DCBLD2: variants seen among roughly 807,000 people sequenced by gnomAD.
DCBLD2 encodes discoidin, CUB and LCCL domain-containing protein 2.
In DCBLD2, 54 loss-of-function variants were observed where a neutral mutation model predicts 86.8. The observed-to-expected ratio is 0.62, with a 90% confidence interval of 0.50 to 0.78. The LOEUF (loss-of-function observed/expected upper bound fraction) is 0.78. DCBLD2 is among the 30% of genes least tolerant of loss of function. DCBLD2 has a pLI of 0.00. For missense variants in DCBLD2, 908 were observed against 954.2 expected (o/e 0.95, Z 0.64); for synonymous variants, 354 against 341.3 (o/e 1.04, Z -0.41).
chr3:98,834,886 A>G (rs1440855655), intron 3 of DCBLD2, among the ~76,000 whole-genome samples: 1 of 151,914 alleles, frequency 6.6e-6, no homozygotes, highest in Non-Finnish European at 1.5e-5. Context: ...GCTGCCTGTC[A>G]TAATCCCAAC....
At chr3:98,801,455 G>A (rs1361434804) in intron 14 of DCBLD2, 145 bp downstream of exon 14, 5 of 518,698 alleles carry the variant, frequency 9.6e-6, no homozygotes, top group Non-Finnish European at 1.7e-5. Context: ...GGGTAAAAAT[G>A]GTGAGAACTG....
At chr3:98,840,401 A>C (rs1410182415) in intron 3 of DCBLD2, among the ~76,000 whole-genome samples, 1 of 152,248 alleles carries the variant, frequency 6.6e-6, no homozygotes, top group Non-Finnish European at 1.5e-5. Context: ...TGAAGTGCTT[A>C]GATTATAATA....
At chr3:98,849,893 A>AG (rs1052697280) in intron 2 of DCBLD2, among the ~76,000 whole-genome samples, 6 of 121,710 alleles carry the variant, frequency 4.9e-5, no homozygotes, top group Non-Finnish European at 7.4e-5. Context: ...GGGACTAAAA[A>AG]AAAAATTAAC....
intron 12 of DCBLD2, 30 bp from the exon 13 acceptor site, chr3:98,808,204 C>G (rs763465355): frequency 6.4e-7 from 1 of 1,558,468 alleles, no homozygotes; most frequent in Non-Finnish European, 8.7e-7. Context: ...AACAGACAAA[C>G]AAAAGCCATA....
chr3:98,864,616 A>T (rs1424204858), intron 2 of DCBLD2, among the ~76,000 whole-genome samples: 1 of 152,040 alleles, frequency 6.6e-6, no homozygotes, highest in Non-Finnish European at 1.5e-5. Flanking sequence ...AAAAAACCAA[A>T]CAGCGCATGT....
In DCBLD2 at chr3:98,836,741, C is replaced by T. The variant is rs1237900818; in HGVS notation, c.572-11375G>A. On this transcript the variant is annotated intron_variant, in intron 3 of 15. Transcript: ENST00000326840. ...GCGGGGGGGCTGACCCCCCCATCTC[C>T]CTCCCGGACGGGGTGGCTGGCCGGG... 3.7e-5 allele frequency among the ~76,000 whole-genome samples: 3 copies of T among 82,058 alleles called. 1 individual carries two copies. Among genetic ancestry groups the T allele is most frequent in the African/African-American group, 1.3e-4 (3 of 23,472 alleles). The allele number at this position is 82,058 out of a possible 152,430, so 53.8% of individuals were successfully genotyped here.
At chr3:98,858,117 C>T (rs945336459) in intron 2 of DCBLD2, among the ~76,000 whole-genome samples, 5 of 152,330 alleles carry the variant, frequency 3.3e-5, no homozygotes, top group Admixed American at 6.5e-5. Flanking sequence ...CCCTGCCCCA[C>T]GGGGAGGCAG....
At chr3:98,825,639 GTATTTATATATATATATATA>G (rs1399479743) in intron 3 of DCBLD2, among the ~76,000 whole-genome samples, 1 of 59,426 alleles carries the variant, frequency 1.7e-5, no homozygotes, top group Non-Finnish European at 3.4e-5. Context: ...ATGTATATGT[GTATTTATATATATATATATA>G]TATATATATA....
At chr3:98,859,875 A>C (rs1943007458) in intron 2 of DCBLD2, among the ~76,000 whole-genome samples, 1 of 152,254 alleles carries the variant, frequency 6.6e-6, no homozygotes, top group South Asian at 2.1e-4. Context: ...CTGGACGGAG[A>C]ATGACTTTGA....
chr3:98,860,305 A>G (rs1397814339), intron 2 of DCBLD2, among the ~76,000 whole-genome samples: 1 of 152,202 alleles, frequency 6.6e-6, no homozygotes, highest in Non-Finnish European at 1.5e-5. Context: ...ACTCTGCAGG[A>G]TATTATCCAG....
At position 98,842,721 on chromosome 3, in the gene DCBLD2, G is replaced by A. The variant is rs577920357; in HGVS notation, c.571+6740C>T. 2.6e-4 allele frequency among the ~76,000 whole-genome samples: 40 copies of A among 152,322 alleles called. No individual in the cohort carries two copies. The South Asian group carries it at 8.1e-3, about 31-fold the overall frequency. Reference sequence around the variant, plus strand: ...AGTTGCCTAAGCAATAAACTATGTAGTCAAACACGCTATAAGCTACACATG... The same window carrying A: ...AGTTGCCTAAGCAATAAACTATGTAATCAAACACGCTATAAGCTACACATG... On this transcript the variant is annotated intron_variant, in intron 3 of 15. Transcript: ENST00000326840.
intron 1 of DCBLD2, among the ~76,000 whole-genome samples, chr3:98,890,174 G>A (rs1943633658): frequency 6.6e-6 from 1 of 151,990 alleles, no homozygotes; most frequent in Non-Finnish European, 1.5e-5. Flanking sequence ...TCTGGAAACT[G>A]GATTTTGCAA....
intron 1 of DCBLD2, among the ~76,000 whole-genome samples, chr3:98,883,136 C>T (rs955497395): frequency 2.6e-5 from 4 of 152,116 alleles, no homozygotes; most frequent in Non-Finnish European, 5.9e-5. Context: ...GAGATAGTAT[C>T]TCATTGTGGT....
At chr3:98,825,428 C>T in intron 3 of DCBLD2, 62 bp from the exon 4 acceptor site, 1 of 1,259,800 alleles carries the variant, frequency 7.9e-7, no homozygotes, top group East Asian at 2.9e-5. Context: ...GCTGAAACTC[C>T]AAGTGTCTCA....
Position 98,797,988 on chromosome 3 carries a change from T to G in DCBLD2, c.*1384A>C, listed in dbSNP as rs1229117883. 1 of 152,236 alleles carries G rather than the reference T, an allele frequency of 6.6e-6. No homozygotes were observed. The highest frequency in any genetic ancestry group is 1.5e-5 in the Non-Finnish European group (1 of 68,048). The allele number at this position is 152,236 out of a possible 1,614,324, so 9.4% of individuals were successfully genotyped here. A position where few individuals can be genotyped will look rare whatever the true frequency, so the allele number is the denominator to read the frequency against. The stretch of plus-strand genomic sequence containing the variant: ...TGTCGTCTTGACAGTCTGAAGGCTT[T>G]AAAAGATGGTTTTACATTGTTAGCT... On this transcript the variant is annotated 3_prime_UTR_variant, in exon 16 of 16. Transcript: ENST00000326840.
At chr3:98,900,886 C>A (rs761302014) in intron 1 of DCBLD2, 6 of 651,862 alleles carry the variant, frequency 9.2e-6, no homozygotes, top group East Asian at 9.1e-5. Flanking sequence ...CAGGGTCTCA[C>A]GTCCCCCTTT....
intron 1 of DCBLD2, among the ~76,000 whole-genome samples, chr3:98,900,091 T>C (rs767965165): frequency 6.6e-6 from 1 of 152,216 alleles, no homozygotes; most frequent in Admixed American, 6.5e-5. Context: ...TTTTTCCTTA[T>C]AGTTACAGAG....
intron 2 of DCBLD2, among the ~76,000 whole-genome samples, chr3:98,858,774 T>TC (rs771017671): frequency 6.6e-6 from 1 of 152,082 alleles, no homozygotes; most frequent in Admixed American, 6.5e-5. Context: ...AACAATCCCC[T>TC]CCCCTATTAT....
At chr3:98,853,031 G>A (rs921219301) in intron 2 of DCBLD2, among the ~76,000 whole-genome samples, 53 of 151,230 alleles carry the variant, frequency 3.5e-4, no homozygotes, top group African/African-American at 6.1e-4. Flanking sequence ...ATAAAACTGC[G>A]CTGTTTTAAG....
Sources: allele counts gnomAD v4.1 joint callset (sites outside exome capture counted in the v4.1 genomes callset), GRCh38; gene constraint gnomAD v4.1.1; transcripts MANE v1.5; gene names NCBI Gene and HGNC (gene_info 2026-07-23, HGNC 2026-07-21).